Variants in NTRK1 observed in about 807,000 individuals in gnomAD.
The protein encoded by NTRK1 is high affinity nerve growth factor receptor.
NTRK1 carries 62 observed loss-of-function variants against 86.8 expected under a neutral mutation model. The ratio of observed to expected loss-of-function variants is 0.71; its 90% CI spans 0.58 to 0.88. The LOEUF (loss-of-function observed/expected upper bound fraction) is 0.88. Among genes scored for constraint, NTRK1 ranks in the 40% least tolerant of loss-of-function variants. The pLI is 0.00. For synonymous variants in NTRK1, 469 were observed against 456.6 expected (o/e 1.03, Z -0.35); for missense variants, 967 against 1,078.4 (o/e 0.90, Z 1.45).
At chr1:156,842,398 C>G (rs1248623505) in intron 2 of NTRK1, 8 of 1,613,946 alleles carry the variant, frequency 5.0e-6, no homozygotes, top group Admixed American at 1.7e-5. Context: ...TGGTCCCTAC[C>G]TCTGCCTCAG....
At position 156,866,947 on chromosome 1, in the gene NTRK1, A is replaced by C; in HGVS notation, c.397A>C (p.Lys133Gln). 1.9e-6 allele frequency: 3 copies of C among 1,614,204 alleles called. No individual in the cohort carries two copies. Among genetic ancestry groups the C allele is most frequent in the South Asian group, 2.2e-5 (2 of 91,086 alleles). ...CAACGCTCTGGAGTCTCTCTCCTGG[A>C]AAACTGTGCAGGGCCTCTCCTTACA... ...SFNALESLSW[K>Q]TVQGLSLQEL... The change falls in exon 4 of 17, where the codon AAA (lysine) becomes CAA (glutamine). Residue 133 changes from lysine to glutamine, a missense_variant. Physicochemically the swap from Lys to Gln is moderately conservative, Grantham distance 53. Coordinates refer to ENST00000524377, the MANE Select transcript of NTRK1 (RefSeq NM_002529.4).
In NTRK1 at chr1:156,881,685, G is replaced by T. The variant is rs564735203; in HGVS notation, c.*43G>T. On this transcript the variant is annotated 3_prime_UTR_variant, in exon 17 of 17. Transcript: ENST00000524377. ...TGGGAGTGGTTAGCCGGAATACTGG[G>T]GCCTGCCCTCAGCATCCCCCATAGC... 6.6e-5 allele frequency: 102 copies of T among 1,553,932 alleles called. 1 individual carries two copies. The East Asian group carries it at 1.4e-3, about 21-fold the overall frequency.
intron 1 of NTRK1, 119 bp downstream of exon 1, chr1:156,861,265 AC>A: frequency 8.2e-7 from 1 of 1,216,648 alleles, no homozygotes; most frequent in Non-Finnish European, 1.1e-6. Context: ...GAAGGCTGGC[AC>A]CACGCAGCCT....
Position 156,874,711 on chromosome 1 carries a change from C to A in NTRK1, c.1251+85C>A. On this transcript the variant is annotated intron_variant, in intron 10 of 16. Coordinates refer to ENST00000524377, the MANE Select transcript of NTRK1 (RefSeq NM_002529.4). ...ATCTGCATGTCATTTCTGGTCAGAG[C>A]AGGGAGATCACTACCATCTGGCCTG... The A allele has an allele frequency of 4.2e-6, 6 of 1,427,366 alleles. No individual in the cohort carries two copies. The South Asian group carries it at 7.2e-5, about 17-fold the overall frequency. 88.4% of individuals were successfully genotyped at this position (1,427,366 alleles called of 1,614,324 possible). A position where few individuals can be genotyped will look rare whatever the true frequency, so the allele number is the denominator to read the frequency against.
At chr1:156,850,462 C>T (rs1377890918) in intron 2 of NTRK1, among the ~76,000 whole-genome samples, 1 of 151,170 alleles carries the variant, frequency 6.6e-6, no homozygotes, top group African/African-American at 2.4e-5. Flanking sequence ...ATCCTCCTGC[C>T]TTGCCCTCCC....
intron 2 of NTRK1, chr1:156,845,369 C>T: frequency 6.3e-7 from 1 of 1,589,414 alleles, no homozygotes; most frequent in Non-Finnish European, 8.6e-7. Context: ...TAGTCCTGCT[C>T]ACCTTTGGGG....
intron 6 of NTRK1, among the ~76,000 whole-genome samples, chr1:156,869,052 C>T (rs1454547493): frequency 6.8e-6 from 1 of 147,134 alleles, no homozygotes; most frequent in East Asian, 2.0e-4. Flanking sequence ...TCCTTCCTTC[C>T]TTCCTTCCTT....
Position 156,854,198 on chromosome 1 carries a change from G to A in NTRK1, c.51-10156G>A, listed in dbSNP as rs1382097356. ...GCTGAGGCCGCGGAAGTCCTCCCCG[G>A]TGGCTGTGAACATGAGCAGGATCTG... On this transcript the variant is annotated intron_variant, in intron 2 of 16. Transcript: ENST00000392302. The surrounding 1 kb of genome is among the most constrained non-coding windows in gnomAD (Gnocchi z 4.2). The A allele has an allele frequency of 6.2e-7, 1 of 1,614,096 alleles. No homozygotes were observed.
intron 11 of NTRK1, 70 bp downstream of exon 11, chr1:156,875,078 G>T (rs1387922844): frequency 1.7e-6 from 2 of 1,160,580 alleles, no homozygotes; most frequent in South Asian, 1.2e-5. Context: ...GGCTCTTCCT[G>T]ACTCTGTCTC....
In NTRK1 at chr1:156,860,908, C is replaced by A. The variant is rs1211522229; in HGVS notation, c.-27C>A. On this transcript the variant is annotated 5_prime_UTR_variant, in exon 1 of 17. Transcript: ENST00000524377. ...GCTGGGAGCGCACAGACGGCTGCCC[C>A]GCCTGAGCGAGGCGGGCGCCGCCGC... 7.0e-7 allele frequency: 1 copy of A among 1,431,382 alleles called. No individual in the cohort carries two copies. The highest frequency in any genetic ancestry group is 2.8e-5 in the East Asian group (1 of 35,302). 88.7% of individuals were successfully genotyped at this position (1,431,382 alleles called of 1,614,324 possible).
At position 156,838,315 on chromosome 1, in the gene NTRK1, G is replaced by A. The variant is rs549190187; in HGVS notation, c.-63-3766G>A. ...CAAGGCCACAGGGACAGTTTTGAGGGATGGATGGTAAACATTCCCTTCTTT... is the reference window on the plus strand; with the variant it reads ...CAAGGCCACAGGGACAGTTTTGAGGAATGGATGGTAAACATTCCCTTCTTT... On this transcript the variant is annotated intron_variant, in intron 1 of 16. Transcript: ENST00000392302. Among the ~76,000 whole-genome samples, 3 of 151,088 alleles carry A rather than the reference G, an allele frequency of 2.0e-5. No homozygotes were observed. In the South Asian group the frequency reaches 6.3e-4, roughly 32 times the overall value.
chr1:156,858,317 G>A (rs139203325), upstream of NTRK1, among the ~76,000 whole-genome samples: 313 of 152,300 alleles, frequency 2.1e-3, 2 homozygotes, highest in African/African-American at 6.5e-3. Flanking sequence ...ACTTGTCCAC[G>A]TTTTGAAGCT....
rs1429212187 is a variant in NTRK1 at position 156,868,483 on chromosome 1, C to T, written c.575-22C>T. The T allele has an allele frequency of 8.4e-6, 13 of 1,553,390 alleles. No homozygotes were observed. The Admixed American group carries it at 2.5e-4, about 30-fold the overall frequency. On this transcript the variant is annotated intron_variant, in intron 5 of 16. Coordinates refer to ENST00000524377, the MANE Select transcript of NTRK1 (RefSeq NM_002529.4). The stretch of plus-strand genomic sequence containing the variant: ...CTCCCAGCTCTAACACCCCTTGGCC[C>T]TCGGGCGTCCTGGGTGGCCAGGTGT...
At chr1:156,850,534 C>CTTTTTTTTTTTTTTTTTTTTT (rs35237064) in intron 2 of NTRK1, among the ~76,000 whole-genome samples, 2 of 58,618 alleles carry the variant, frequency 3.4e-5, no homozygotes, top group Non-Finnish European at 3.6e-5. Flanking sequence ...TTAAAACATT[C>CTTTTTTTTTTTTTTTTTTTTT]TTTTTTTTTT....
At chr1:156,851,959 G>T in intron 2 of NTRK1, 1 of 1,607,402 alleles carries the variant, frequency 6.2e-7, no homozygotes, top group Non-Finnish European at 8.5e-7. Flanking sequence ...CGAAGGTGGA[G>T]GCACGGCCGG....
intron 3 of NTRK1, among the ~76,000 whole-genome samples, chr1:156,865,282 C>T (rs1428218831): frequency 6.6e-6 from 1 of 152,078 alleles, no homozygotes; most frequent in African/African-American, 2.4e-5. Flanking sequence ...TTTTTGGCAC[C>T]AGAGACTGGT....
At chr1:156,846,640 G>C (rs568446154) in intron 2 of NTRK1, 1 of 1,614,174 alleles carries the variant, frequency 6.2e-7, no homozygotes, top group African/African-American at 1.3e-5. Flanking sequence ...GCTTGAGGGA[G>C]GCTAGGGTCA....
At chr1:156,863,488 C>G (rs959425804) in intron 1 of NTRK1, among the ~76,000 whole-genome samples, 1 of 152,116 alleles carries the variant, frequency 6.6e-6, no homozygotes, top group Admixed American at 6.5e-5. Flanking sequence ...CTCTGACTGC[C>G]TCCTCTCATT....
intron 16 of NTRK1, 70 bp from the exon 17 acceptor site, chr1:156,881,387 A>G (rs1233440033): frequency 6.7e-7 from 1 of 1,487,320 alleles, no homozygotes; most frequent in Non-Finnish European, 9.1e-7. Flanking sequence ...CAGTGAGGGC[A>G]CTGGGACTGG....
Sources: gnomAD v4.1 joint callset for allele counts (sites outside exome capture counted in the v4.1 genomes callset) on GRCh38, gnomAD v4.1.1 for gene constraint, Gnocchi (gnomAD v3.1) non-coding constraint, MANE v1.5 for transcripts, NCBI Gene and HGNC (gene_info 2026-07-23, HGNC 2026-07-21) for gene names.